Variants in FAT3 observed in about 807,000 individuals in gnomAD.
The protein encoded by FAT3 is FAT atypical cadherin 3.
FAT3 carries 95 observed loss-of-function variants against 310.2 expected under a neutral mutation model. The ratio of observed to expected loss-of-function variants is 0.31; its 90% confidence interval spans 0.26 to 0.36. The LOEUF (loss-of-function observed/expected upper bound fraction) is 0.36. FAT3 is among the 10% of genes least tolerant of loss of function. FAT3 has a pLI of 1.00. For missense variants in FAT3, 5,408 were observed against 5,715.6 expected, an observed-to-expected ratio of 0.95 and a Z score of 1.74; for synonymous variants, 2,314 against 2,192.9, an observed-to-expected ratio of 1.06 and a Z score of -1.54.
At chr11:92,598,645 C>T (rs1234361955) in intron 3 of FAT3, among the ~76,000 whole-genome samples, 1 of 152,122 alleles carries the variant, frequency 6.6e-6, no homozygotes, top group East Asian at 1.9e-4. Context: ...AGATATTCAG[C>T]TAGAAAGTGG....
intron 2 of FAT3, among the ~76,000 whole-genome samples, chr11:92,379,674 C>T (rs1433041935): frequency 1.5e-5 from 2 of 134,434 alleles, no homozygotes; most frequent in East Asian, 3.9e-4. Context: ...GTACTCATCT[C>T]TTCACAGTCA....
At chr11:92,714,803 C>T (rs996114060) in intron 4 of FAT3, among the ~76,000 whole-genome samples, 6 of 152,106 alleles carry the variant, frequency 3.9e-5, no homozygotes, top group African/African-American at 1.2e-4. Context: ...AACACAGTTT[C>T]TAGCATCTAA....
chr11:92,854,745 A>G lies in FAT3; in HGVS notation c.11366-2469A>G, dbSNP rs532495451. ...TCTGGCCCTTTTTTCCCCCTTTGGA[A>G]CAGTGGCTTTTAAGCTGGATTTCTG... On this transcript the variant is annotated intron_variant, in intron 19 of 27. Coordinates refer to ENST00000525166, the MANE Select transcript of FAT3 (RefSeq NM_001367949.2). Among the ~76,000 whole-genome samples the G allele has an allele frequency of 1.8e-4, 28 of 152,306 alleles. No individual in the cohort carries two copies. In the South Asian group the frequency reaches 5.8e-3, roughly 32 times the overall value.
intron 3 of FAT3, among the ~76,000 whole-genome samples, chr11:92,595,881 T>C (rs909173766): frequency 6.6e-6 from 1 of 152,178 alleles, no homozygotes; most frequent in Non-Finnish European, 1.5e-5. Context: ...CCTTCTGTCG[T>C]GCTGTCATGC....
intron 24 of FAT3, 67 bp from the exon 25 acceptor site, chr11:92,886,933 G>T: frequency 8.0e-7 from 1 of 1,251,108 alleles, no homozygotes; most frequent in Non-Finnish European, 1.1e-6. Context: ...GAGAGGGGTG[G>T]GTGGGACTGG....
intron 2 of FAT3, among the ~76,000 whole-genome samples, chr11:92,465,892 A>G (rs1951747464): frequency 6.6e-6 from 1 of 152,168 alleles, no homozygotes; most frequent in African/African-American, 2.4e-5. Context: ...TTGGTGAAAC[A>G]GGGAAAAAAA....
At chr11:92,480,890 G>T (rs986596260) in intron 2 of FAT3, among the ~76,000 whole-genome samples, 1 of 152,164 alleles carries the variant, frequency 6.6e-6, no homozygotes, top group Non-Finnish European at 1.5e-5. Context: ...GATACCTAAG[G>T]GGGTGCCCAG....
intron 3 of FAT3, among the ~76,000 whole-genome samples, chr11:92,590,968 T>C (rs1481548143): frequency 1.3e-5 from 2 of 152,106 alleles, no homozygotes; most frequent in Non-Finnish European, 2.9e-5. Flanking sequence ...AGACCCATTT[T>C]CACCACTGGA....
intron 2 of FAT3, among the ~76,000 whole-genome samples, chr11:92,507,997 A>C (rs1565370668): frequency 6.6e-6 from 1 of 152,150 alleles, no homozygotes; most frequent in Non-Finnish European, 1.5e-5. Flanking sequence ...GATGAAAGAA[A>C]ATAGACATTC....
chr11:92,810,219 A>G, intron 13 of FAT3, 143 bp downstream of exon 13: 2 of 714,590 alleles, frequency 2.8e-6, no homozygotes, highest in South Asian at 1.9e-5. Flanking sequence ...CATTTCAGCT[A>G]TTCAGCTAAT....
At chr11:92,328,989 A>T (rs1947837051) in intron 1 of FAT3, among the ~76,000 whole-genome samples, 1 of 152,194 alleles carries the variant, frequency 6.6e-6, no homozygotes, top group African/African-American at 2.4e-5. Flanking sequence ...ATAATTACTT[A>T]AAAACCTTCA....
intron 1 of FAT3, among the ~76,000 whole-genome samples, chr11:92,305,990 A>G (rs530626867): frequency 1.8e-4 from 27 of 152,296 alleles, no homozygotes; most frequent in African/African-American, 6.3e-4. Flanking sequence ...AAATGTTAAT[A>G]TCTGGAAAAG....
chr11:92,552,262 G>T (rs1954846531), intron 3 of FAT3, among the ~76,000 whole-genome samples: 2 of 152,090 alleles, frequency 1.3e-5, no homozygotes, highest in Admixed American at 6.5e-5. Context: ...CACTTAAAGA[G>T]ACACATTCTT....
intron 1 of FAT3, among the ~76,000 whole-genome samples, chr11:92,325,948 G>A (rs1211491429): frequency 6.6e-6 from 1 of 152,140 alleles, no homozygotes; most frequent in African/African-American, 2.4e-5. Flanking sequence ...CTTTATTTGT[G>A]GGGATGTGTA....
intron 3 of FAT3, among the ~76,000 whole-genome samples, chr11:92,638,324 C>G (rs1941842616): frequency 1.3e-5 from 2 of 152,210 alleles, no homozygotes; most frequent in East Asian, 3.8e-4. Context: ...GTAAAGCAGT[C>G]AGAGGCCTTT....
chr11:92,594,899 A>C (rs1288047305), intron 3 of FAT3, among the ~76,000 whole-genome samples: 1 of 152,106 alleles, frequency 6.6e-6, no homozygotes, highest in Non-Finnish European at 1.5e-5. Flanking sequence ...CGGGAGAAAA[A>C]AATGTATAGT....
chr11:92,785,756 G>T (rs888853195), intron 7 of FAT3, among the ~76,000 whole-genome samples: 3 of 151,954 alleles, frequency 2.0e-5, no homozygotes, highest in Admixed American at 6.6e-5. Flanking sequence ...ACATTAGAAA[G>T]AAGTCAGTTT....
At chr11:92,281,999 G>A (rs1419008114) in intron 1 of FAT3, among the ~76,000 whole-genome samples, 1 of 151,874 alleles carries the variant, frequency 6.6e-6, no homozygotes, top group Non-Finnish European at 1.5e-5. Flanking sequence ...TCCACCTCCT[G>A]GGTTCCAGCG....
At chr11:92,254,316 A>G (rs1453216308) in intron 1 of FAT3, among the ~76,000 whole-genome samples, 1 of 152,196 alleles carries the variant, frequency 6.6e-6, no homozygotes, top group African/African-American at 2.4e-5. Context: ...GAAATCTCGC[A>G]GAAGGAGCCA....
Sources: gnomAD v4.1 joint callset for allele counts (sites outside exome capture counted in the v4.1 genomes callset) on GRCh38, gnomAD v4.1.1 for gene constraint, MANE v1.5 for transcripts, NCBI Gene and HGNC (gene_info 2026-07-23, HGNC 2026-07-21) for gene names.